MYO1D: variants seen among roughly 807,000 people sequenced by gnomAD.
MYO1D encodes unconventional myosin-Id.
A neutral mutation model predicts 122.0 loss-of-function variants in MYO1D; 83 were observed. That is an observed-to-expected ratio of 0.68 (90% CI 0.57 to 0.82). The LOEUF is 0.82. Among genes scored for constraint, MYO1D ranks in the 40% least tolerant of loss-of-function variants. The probability of loss-of-function intolerance (pLI) is 0.00; values close to 1 mark genes in which losing one functional copy is unlikely to be tolerated. For synonymous variants in MYO1D, 464 were observed against 446.9 expected, an observed-to-expected ratio of 1.04 and a Z score of -0.48; for missense variants, 1,157 against 1,269.5, an observed-to-expected ratio of 0.91 and a Z score of 1.35.
chr17:32,843,201 C>T (rs2090900596), intron 1 of MYO1D, among the ~76,000 whole-genome samples: 1 of 152,130 alleles, frequency 6.6e-6, no homozygotes, highest in African/African-American at 2.4e-5. Context: ...ACGTCTATTT[C>T]TCTTTAAGGA....
chr17:32,662,531 AG>A (rs1278225042), intron 16 of MYO1D, among the ~76,000 whole-genome samples: 1 of 152,038 alleles, frequency 6.6e-6, no homozygotes, highest in East Asian at 1.9e-4. Flanking sequence ...AAATTAGGCA[AG>A]TGTGGTGGTG....
chr17:32,524,926 C>T (rs1020506294), intron 21 of MYO1D, among the ~76,000 whole-genome samples: 4 of 152,178 alleles, frequency 2.6e-5, no homozygotes, highest in Non-Finnish European at 4.4e-5. Flanking sequence ...TGGTCTTAAA[C>T]TCCTGGGCTC....
At chr17:32,653,762 T>C (rs1346456812) in intron 19 of MYO1D, 81 bp downstream of exon 19, 3 of 1,219,734 alleles carry the variant, frequency 2.5e-6, no homozygotes, top group African/African-American at 3.0e-5. Flanking sequence ...TACTGTTATG[T>C]TTTATTACAG....
intron 16 of MYO1D, among the ~76,000 whole-genome samples, chr17:32,689,787 C>A (rs1422600224): frequency 2.0e-5 from 3 of 151,658 alleles, no homozygotes; most frequent in South Asian, 2.1e-4. Context: ...AGCACGATCT[C>A]AGCTCACTGC....
chr17:32,699,625 T>C (rs776309865), intron 16 of MYO1D, among the ~76,000 whole-genome samples: 13 of 152,226 alleles, frequency 8.5e-5, no homozygotes, highest in Non-Finnish European at 1.6e-4. Flanking sequence ...TCCTTATCTG[T>C]AGATTGGTAT....
intron 21 of MYO1D, among the ~76,000 whole-genome samples, chr17:32,592,118 C>T (rs991557498): frequency 2.6e-5 from 4 of 152,158 alleles, no homozygotes; most frequent in Non-Finnish European, 4.4e-5. Context: ...CAAGGGCTGA[C>T]TCAATAATCA....
At chr17:32,856,419 G>A (rs987707481) in intron 1 of MYO1D, among the ~76,000 whole-genome samples, 29 of 152,042 alleles carry the variant, frequency 1.9e-4, no homozygotes, top group African/African-American at 7.0e-4. Flanking sequence ...TGTAGCTATG[G>A]TCTTCTCTCC....
chr17:32,672,645 C>G (rs893666164), intron 16 of MYO1D, among the ~76,000 whole-genome samples: 3 of 152,012 alleles, frequency 2.0e-5, no homozygotes, highest in Non-Finnish European at 4.4e-5. Context: ...ACCACCACAC[C>G]CAGCTAATTT....
intron 14 of MYO1D, among the ~76,000 whole-genome samples, chr17:32,728,696 G>C (rs1412503184): frequency 6.6e-6 from 1 of 152,026 alleles, no homozygotes; most frequent in African/African-American, 2.4e-5. Context: ...TAAACCTTAG[G>C]TCAAAAAGGA....
intron 21 of MYO1D, among the ~76,000 whole-genome samples, chr17:32,546,559 G>A (rs1056954897): frequency 1.3e-5 from 2 of 152,216 alleles, no homozygotes; most frequent in Non-Finnish European, 2.9e-5. Flanking sequence ...TAATTCCTAT[G>A]TGCTGGCTGC....
At chr17:32,731,942 T>A (rs2089645038) in intron 14 of MYO1D, among the ~76,000 whole-genome samples, 1 of 152,244 alleles carries the variant, frequency 6.6e-6, no homozygotes, top group African/African-American at 2.4e-5. Context: ...TTGGATGTGC[T>A]GCTCCCAACG....
At chr17:32,659,532 T>A in intron 16 of MYO1D, 194 bp from the exon 17 acceptor site, 1 of 599,608 alleles carries the variant, frequency 1.7e-6, no homozygotes, top group Non-Finnish European at 3.0e-6. Context: ...TCAGTCATTT[T>A]GTTTCAGCTG....
Position 32,755,512 on chromosome 17 carries a change from C to A in MYO1D, c.1447G>T (p.Ala483Ser), listed in dbSNP as rs373245488. 3.0e-5 allele frequency: 49 copies of A among 1,613,466 alleles called. No individual in the cohort carries two copies. The highest frequency in any genetic ancestry group is 4.1e-5 in the Non-Finnish European group (48 of 1,179,692). The change falls in exon 11 of 22, where the codon GCC (alanine) becomes TCC (serine). Residue 483 changes from alanine (A) to serine (S), a missense_variant. Ala to Ser is a moderately conservative substitution (Grantham distance 99). Coordinates refer to ENST00000318217, the MANE Select transcript of MYO1D (RefSeq NM_015194.3). ...EALNSKLGKH[A>S]HFSSRKLCAS... The stretch of plus-strand genomic sequence containing the variant: ...ATTACCTTTCGGCTGGAAAAATGGG[C>A]GTGTTTGCCCAATTTACTGTTAAGT...
chr17:32,755,382 C>T, intron 11 of MYO1D, 110 bp downstream of exon 11: 2 of 1,171,928 alleles, frequency 1.7e-6, no homozygotes, highest in Non-Finnish European at 2.4e-6. Flanking sequence ...ACTTTTCTTT[C>T]TTATTAAAGG....
chr17:32,566,747 A>T (rs1332146466), intron 21 of MYO1D, among the ~76,000 whole-genome samples: 1 of 150,416 alleles, frequency 6.6e-6, no homozygotes, highest in Non-Finnish European at 1.5e-5. Flanking sequence ...GAACTTAATT[A>T]GTTATCTGTT....
chr17:32,797,207 G>A (rs1359166539), intron 1 of MYO1D, among the ~76,000 whole-genome samples: 2 of 152,238 alleles, frequency 1.3e-5, no homozygotes, highest in East Asian at 3.9e-4. Context: ...CTGACCTCGT[G>A]ATCCACCCGC....
intron 1 of MYO1D, among the ~76,000 whole-genome samples, chr17:32,857,360 C>A (rs2091035389): frequency 6.6e-6 from 1 of 152,064 alleles, no homozygotes; most frequent in Admixed American, 6.5e-5. Flanking sequence ...ACGAGGTGGG[C>A]AAATCACCAG....
chr17:32,667,340 T>A (rs2088650782), intron 16 of MYO1D, among the ~76,000 whole-genome samples: 1 of 152,224 alleles, frequency 6.6e-6, no homozygotes, highest in Admixed American at 6.5e-5. Context: ...AGACTTGATA[T>A]GCTATTTTTA....
intron 21 of MYO1D, among the ~76,000 whole-genome samples, chr17:32,503,705 G>C (rs750850879): frequency 6.6e-6 from 1 of 152,222 alleles, no homozygotes; most frequent in Non-Finnish European, 1.5e-5. Context: ...TAGAGTCACA[G>C]AGACAGGCCG....
Sources: allele counts gnomAD v4.1 joint callset (sites outside exome capture counted in the v4.1 genomes callset), GRCh38; gene constraint gnomAD v4.1.1; transcripts MANE v1.5; gene names NCBI Gene and HGNC (gene_info 2026-07-23, HGNC 2026-07-21).